Variants in PID1 observed in about 807,000 individuals in gnomAD.
PID1 encodes PTB-containing, cubilin and LRP1-interacting protein.
PID1 carries 10 observed loss-of-function variants against 19.1 expected under a neutral mutation model. The ratio of observed to expected loss-of-function variants is 0.52; its 90% confidence interval spans 0.32 to 0.89. The LOEUF is 0.89. Ranked by LOEUF, PID1 falls within the 40% of genes least tolerant of loss-of-function variation. The probability of loss-of-function intolerance (pLI) is 0.03; values close to 1 mark genes in which losing one functional copy is unlikely to be tolerated. For synonymous variants in PID1, 130 were observed against 116.0 expected (o/e 1.12, Z -0.78); for missense variants, 248 against 285.3 (o/e 0.87, Z 0.94).
intron 2 of PID1, among the ~76,000 whole-genome samples, chr2:229,062,688 A>G (rs990651943): frequency 6.6e-6 from 1 of 151,878 alleles, no homozygotes; most frequent in Non-Finnish European, 1.5e-5. Context: ...AACTTTTTGG[A>G]GGAGGTTTAA....
chr2:229,119,376 T>C (rs1044463856), intron 2 of PID1, among the ~76,000 whole-genome samples: 18 of 152,218 alleles, frequency 1.2e-4, no homozygotes, highest in African/African-American at 3.9e-4. Flanking sequence ...TACCCTTCAT[T>C]TCTCCAGTAA....
intron 2 of PID1, among the ~76,000 whole-genome samples, chr2:229,121,900 T>C (rs1163706225): frequency 2.0e-5 from 3 of 152,108 alleles, no homozygotes; most frequent in Admixed American, 6.5e-5. Context: ...AGAGTGATTA[T>C]GGCTATAAAG....
intron 1 of PID1, among the ~76,000 whole-genome samples, chr2:229,241,768 A>G (rs1416467364): frequency 1.3e-5 from 2 of 152,274 alleles, no homozygotes; most frequent in South Asian, 2.1e-4. Flanking sequence ...AAGTTAAAAT[A>G]GAATCTTTTC....
intron 2 of PID1, among the ~76,000 whole-genome samples, chr2:229,046,370 G>GTA (rs1574582038): frequency 6.7e-6 from 1 of 149,188 alleles, no homozygotes; most frequent in Non-Finnish European, 1.5e-5. Flanking sequence ...GTGTGTGTGT[G>GTA]TGTGTGTGTG....
At chr2:229,049,141 G>T (rs1400030232) in intron 2 of PID1, among the ~76,000 whole-genome samples, 1 of 151,856 alleles carries the variant, frequency 6.6e-6, no homozygotes, top group Non-Finnish European at 1.5e-5. Context: ...CTTTCCAATA[G>T]CTACATGGGA....
At chr2:229,175,036 GT>G in intron 1 of PID1, among the ~76,000 whole-genome samples, 1 of 152,318 alleles carries the variant, frequency 6.6e-6, no homozygotes, top group Non-Finnish European at 1.5e-5. Context: ...GGGCAGCCCA[GT>G]TGCCAGCTTG....
intron 2 of PID1, among the ~76,000 whole-genome samples, chr2:229,148,150 C>T (rs1337420742): frequency 6.6e-6 from 1 of 152,132 alleles, no homozygotes; most frequent in East Asian, 1.9e-4. Context: ...AGATTTTAGT[C>T]AATAAATAAC....
At chr2:229,265,613 T>C (rs754387305) in intron 1 of PID1, among the ~76,000 whole-genome samples, 5 of 152,192 alleles carry the variant, frequency 3.3e-5, no homozygotes, top group Non-Finnish European at 7.3e-5. Flanking sequence ...CTGTTTAAAT[T>C]TGTGTCCACA....
intron 1 of PID1, among the ~76,000 whole-genome samples, chr2:229,239,377 C>T (rs912876162): frequency 6.6e-6 from 1 of 151,978 alleles, no homozygotes; most frequent in Non-Finnish European, 1.5e-5. Flanking sequence ...CTGGAGGAAA[C>T]GAGTAAGGGA....
chr2:229,151,849 C>T (rs962246629), intron 2 of PID1, among the ~76,000 whole-genome samples: 4 of 152,060 alleles, frequency 2.6e-5, no homozygotes, highest in African/African-American at 7.2e-5. Flanking sequence ...GGATTACAGG[C>T]GTGAGCCACC....
chr2:229,232,431 CAAAAAAAA>C (rs386392861), intron 1 of PID1, among the ~76,000 whole-genome samples: 5 of 41,354 alleles, frequency 1.2e-4, no homozygotes, highest in African/African-American at 5.7e-4. Context: ...GACTCCATCT[CAAAAAAAA>C]AAAAAAAAAA....
chr2:229,270,209 G>A (rs1690699009), intron 1 of PID1, among the ~76,000 whole-genome samples: 1 of 152,232 alleles, frequency 6.6e-6, no homozygotes, highest in African/African-American at 2.4e-5. Flanking sequence ...ATCTGGCAGA[G>A]TAGCTGCCGT....
At chr2:229,174,764 A>C (rs571459081) in intron 1 of PID1, among the ~76,000 whole-genome samples, 2 of 152,190 alleles carry the variant, frequency 1.3e-5, no homozygotes, top group Non-Finnish European at 2.9e-5. Flanking sequence ...GTTTAAATAA[A>C]ACACTATGAT....
chr2:229,037,372 T>C (rs1182278998), intron 2 of PID1, among the ~76,000 whole-genome samples: 1 of 152,216 alleles, frequency 6.6e-6, no homozygotes, highest in African/African-American at 2.4e-5. Context: ...AGCTGTTAAA[T>C]ACGGCATGTG....
chr2:229,227,168 C>T (rs1692096178), intron 1 of PID1, among the ~76,000 whole-genome samples: 1 of 152,180 alleles, frequency 6.6e-6, no homozygotes, highest in African/African-American at 2.4e-5. Flanking sequence ...CCTTCCTCTC[C>T]TCGATAACTC....
chr2:229,136,413 C>T (rs1300896222), intron 2 of PID1, among the ~76,000 whole-genome samples: 2 of 152,178 alleles, frequency 1.3e-5, no homozygotes, highest in East Asian at 3.9e-4. Flanking sequence ...ATAATGTTTA[C>T]TGTGTTAAGC....
chr2:229,060,056 T>C (rs1694180881), intron 2 of PID1, among the ~76,000 whole-genome samples: 2 of 152,284 alleles, frequency 1.3e-5, no homozygotes, highest in African/African-American at 4.8e-5. Flanking sequence ...TTATGATATA[T>C]ATTTACATTC....
intron 2 of PID1, among the ~76,000 whole-genome samples, chr2:229,086,904 C>T (rs934583185): frequency 2.8e-5 from 3 of 105,612 alleles, no homozygotes; most frequent in Non-Finnish European, 5.5e-5. Context: ...TGCTTGCACA[C>T]GTGTGTACAC....
At chr2:229,248,523 T>C (rs978398584) in intron 1 of PID1, among the ~76,000 whole-genome samples, 2 of 152,212 alleles carry the variant, frequency 1.3e-5, no homozygotes, top group Non-Finnish European at 2.9e-5. Flanking sequence ...ACTTTGAGAT[T>C]CTATAAATAA....
Sources: allele counts gnomAD v4.1 joint callset (sites outside exome capture counted in the v4.1 genomes callset), GRCh38; gene constraint gnomAD v4.1.1; transcripts MANE v1.5; gene names NCBI Gene and HGNC (gene_info 2026-07-23, HGNC 2026-07-21).